Variants in PNMA5 observed in about 807,000 individuals in gnomAD.
PNMA5 encodes the protein PNMA family member 5.
For missense variants in PNMA5, 334 were observed against 356.6 expected (o/e 0.94, Z 0.51); for synonymous variants, 138 against 137.9 (o/e 1.00, Z 0.00).
At chrX:152,993,846 G>A (rs1259805796) in intron 1 of PNMA5, among the ~76,000 whole-genome samples, 187 bp downstream of exon 1, 2 of 112,891 alleles carry the variant, frequency 1.8e-5, no homozygotes, top group African/African-American at 6.4e-5. Context: ...CGCCCGGCCA[G>A]GTCTCCCTGA....
chrX:152,993,241 G>A (rs1302854880), intron 1 of PNMA5, among the ~76,000 whole-genome samples: 1 of 100,497 alleles, frequency 1.0e-5, no homozygotes, highest in African/African-American at 3.8e-5. Flanking sequence ...AGTCTAACTC[G>A]TGCCTCAAGC....
chrX:152,990,980 G>A lies in PNMA5; in HGVS notation c.619C>T (p.Pro207Ser). 8.4e-7 allele frequency: 1 copy of A among 1,196,362 alleles called. No individual in the cohort carries two copies. The highest frequency in any genetic ancestry group is 1.1e-6 in the Non-Finnish European group (1 of 889,349). The stretch of plus-strand genomic sequence containing the variant: ...AGCACCCGCATGATTGACAGAGCAG[G>A]CCCACGTAAGCTCTCCAGCAAACGC... ...RRRLLESLRG[P>S]ALSIMRVLQA... is the part of the protein sequence containing the mutation. The change falls in exon 4 of 4, where the codon CCT becomes TCT. Residue 207 changes from proline (P) to serine (S), a missense_variant. Transcript: ENST00000535214.
In PNMA5 at chrX:152,991,635, C is replaced by A. The variant is rs782353282; in HGVS notation, c.-37G>T. ...TCTATGGACTGATCTAATACTAGGG[C>A]AGCAATCAGCTCAGTTTGACAGCAC... On this transcript the variant is annotated 5_prime_UTR_variant, in exon 4 of 4. Transcript: ENST00000535214. 3.0e-5 allele frequency: 33 copies of A among 1,107,437 alleles called. No individual in the cohort carries two copies. The East Asian group carries it at 9.8e-4, about 33-fold the overall frequency. The allele number at this position is 1,107,437 out of a possible 1,213,427, so 91.3% of individuals were successfully genotyped here. A position where few individuals can be genotyped will look rare whatever the true frequency, so the allele number is the denominator to read the frequency against.
Position 152,991,546 on chromosome X carries a change from C to T in PNMA5, c.53G>A (p.Arg18Lys), listed in dbSNP as rs782649229. The T allele has an allele frequency of 1.9e-5, 23 of 1,185,576 alleles. No homozygotes were observed. In the East Asian group the frequency reaches 6.8e-4, roughly 35 times the overall value. ...GATGCCTACAATCAGCAGGGCCTTT[C>T]TGGGGTCCATGTCCATCCCCTTGCA... ...DWCKGMDMDP[R>K]KALLIVGIPM... Residue 18 changes from arginine to lysine, a missense_variant, in exon 4 of 4, where the codon AGA becomes AAA. By Grantham distance (26) the Arg-to-Lys change is conservative (BLOSUM62 2). Coordinates refer to ENST00000535214, the MANE Select transcript of PNMA5 (RefSeq NM_001184924.2).
At position 152,990,473 on chromosome X, in the gene PNMA5, C is replaced by T. The variant is rs782651248; in HGVS notation, c.1126G>A (p.Asp376Asn). The T allele has an allele frequency of 2.2e-5, 26 of 1,171,528 alleles. No individual in the cohort carries two copies. The highest frequency in any genetic ancestry group is 1.3e-4 in the Admixed American group (5 of 37,948). Residue 376 changes from aspartate to asparagine, a missense_variant, in exon 4 of 4, where the codon GAC becomes AAC. Asp to Asn is a conservative substitution (Grantham distance 23). Coordinates refer to ENST00000535214, the MANE Select transcript of PNMA5 (RefSeq NM_001184924.2). ...CCCTGTATGGTCTGGGGGCTGCTGT[C>T]GCTAAAAGACCTTGCCTGCACGGTG... ...QATVQARSFS[D>N]SSPQTIQGGL...
In PNMA5 at chrX:152,991,940, C is replaced by G. The variant is rs185556809; in HGVS notation, c.-162G>C. On this transcript the variant is annotated 5_prime_UTR_variant, in exon 3 of 4. Transcript: ENST00000535214. ...CTTCCTCCTGCTGTGGGTTCTTCCT[C>G]AAAGTCCAGAGGACTCTGCTGTGTG... The G allele has an allele frequency of 1.3e-3, 255 of 192,046 alleles. 3 individuals carry two copies. The highest frequency in any genetic ancestry group is 7.0e-3 in the African/African-American group (236 of 33,611). 15.8% of individuals were successfully genotyped at this position (192,046 alleles called of 1,213,427 possible).
At position 152,988,967 on chromosome X, in the gene PNMA5, A is replaced by G. The variant is rs1409216742; in HGVS notation, c.*1285T>C. The G allele has an allele frequency of 7.8e-5, 8 of 102,558 alleles. No individual in the cohort carries two copies. Among genetic ancestry groups the G allele is most frequent in the Non-Finnish European group, 1.6e-4 (8 of 50,018 alleles). 8.5% of individuals were successfully genotyped at this position (102,558 alleles called of 1,213,427 possible). On this transcript the variant is annotated 3_prime_UTR_variant, in exon 4 of 4. Transcript: ENST00000535214. ...CCCTCAGTGTGGCCCCCCCCACCACATCCCTCCTTCCATAGGGCCCCAGGA... is the reference window on the plus strand; with the variant it reads ...CCCTCAGTGTGGCCCCCCCCACCACGTCCCTCCTTCCATAGGGCCCCAGGA...
chrX:152,991,703 G>T lies in PNMA5; in HGVS notation c.-105C>A, dbSNP rs2050909122. On this transcript the variant is annotated 5_prime_UTR_variant, in exon 4 of 4. Coordinates refer to ENST00000535214, the MANE Select transcript of PNMA5 (RefSeq NM_001184924.2). ...ACTGCCACGTAGGAAGGCAGAAGTG[G>T]TCCCAGGTTTCACACAGCCTGCAAA... 1 of 1,044,058 alleles carries T rather than the reference G, an allele frequency of 9.6e-7. No homozygotes were observed. Among genetic ancestry groups the T allele is most frequent in the Admixed American group, 3.6e-5 (1 of 28,133 alleles). The allele number at this position is 1,044,058 out of a possible 1,213,427, so 86.0% of individuals were successfully genotyped here. A position where few individuals can be genotyped will look rare whatever the true frequency, so the allele number is the denominator to read the frequency against.
At position 152,989,900 on chromosome X, in the gene PNMA5, G is replaced by A; in HGVS notation, c.*352C>T. The A allele has an allele frequency of 5.5e-6, 1 of 182,002 alleles. No individual in the cohort carries two copies. Among genetic ancestry groups the A allele is most frequent in the Admixed American group, 7.8e-5 (1 of 12,825 alleles). The allele number at this position is 182,002 out of a possible 1,213,427, so 15.0% of individuals were successfully genotyped here. On this transcript the variant is annotated 3_prime_UTR_variant, in exon 4 of 4. Transcript: ENST00000535214. ...CTCAAAGTCCACAGGGTAGATATTT[G>A]GGGGTGTCCAGAGGACCAGGCCAGA... is the stretch of plus-strand genomic sequence containing the variant.
At position 152,991,686 on chromosome X, in the gene PNMA5, G is replaced by A. The variant is rs782104120; in HGVS notation, c.-88C>T. 1.6e-3 allele frequency: 1,756 copies of A among 1,073,809 alleles called. No homozygotes were observed. The highest frequency in any genetic ancestry group is 2.1e-3 in the Middle Eastern group (8 of 3,827). The allele number at this position is 1,073,809 out of a possible 1,213,427, so 88.5% of individuals were successfully genotyped here. A position where few individuals can be genotyped will look rare whatever the true frequency, so the allele number is the denominator to read the frequency against. ...TCAAATAACTCTGAGCCACTGCCAC[G>A]TAGGAAGGCAGAAGTGGTCCCAGGT... is the stretch of plus-strand genomic sequence containing the variant. On this transcript the variant is annotated 5_prime_UTR_variant, in exon 4 of 4. In the 5' UTR this introduces an upstream ATG that the reference lacks. Coordinates refer to ENST00000535214, the MANE Select transcript of PNMA5 (RefSeq NM_001184924.2).
In PNMA5 at chrX:152,994,019, G is replaced by A. The variant is rs1603342077; in HGVS notation, c.-330+14C>T. ...ATCTGGGTTGCTGTCCGAGCCCGGG[G>A]TCCAGCTCCGTACCTGCCGGAGGTG... On this transcript the variant is annotated intron_variant, in intron 1 of 3. Transcript: ENST00000535214. The A allele has an allele frequency of 8.8e-6, 1 of 113,359 alleles. No individual in the cohort carries two copies. The highest frequency in any genetic ancestry group is 1.9e-5 in the Non-Finnish European group (1 of 53,421). 9.3% of individuals were successfully genotyped at this position (113,359 alleles called of 1,213,427 possible).
chrX:152,989,876 T>G lies in PNMA5; in HGVS notation c.*376A>C, dbSNP rs1603341391. 6.7e-6 allele frequency: 1 copy of G among 148,550 alleles called. No individual in the cohort carries two copies. The highest frequency in any genetic ancestry group is 1.4e-5 in the Non-Finnish European group (1 of 73,992). The allele number at this position is 148,550 out of a possible 1,213,427, so 12.2% of individuals were successfully genotyped here. ...CTGGGTGCCAGTGGGCATGCTCAGC[T>G]CAAAGTCCACAGGGTAGATATTTGG... On this transcript the variant is annotated 3_prime_UTR_variant, in exon 4 of 4. Transcript: ENST00000535214.
Position 152,990,483 on chromosome X carries a change from C to A in PNMA5, c.1116G>T (p.Arg372Ser). ...VSAPQATVQA[R>S]SFSDSSPQTI... ...TCTGGGGGCTGCTGTCGCTAAAAGA[C>A]CTTGCCTGCACGGTGGCCTGAGGTG... is the stretch of plus-strand genomic sequence containing the variant. Residue 372 changes from arginine to serine, a missense_variant, in exon 4 of 4, where the codon AGG becomes AGT. By Grantham distance (110) the Arg-to-Ser change is moderately radical. Coordinates refer to ENST00000535214, the MANE Select transcript of PNMA5 (RefSeq NM_001184924.2). 5 of 1,182,026 alleles carry A rather than the reference C, an allele frequency of 4.2e-6. No homozygotes were observed. The highest frequency in any genetic ancestry group is 5.7e-6 in the Non-Finnish European group (5 of 882,969).
chrX:152,992,080 G>A (rs5969932), intron 2 of PNMA5, 103 bp from the exon 3 acceptor site: 6,048 of 114,793 alleles, frequency 0.053, 378 homozygotes, highest in African/African-American at 0.19. Context: ...CTGCTCACTC[G>A]GGGCTATGTG....
chrX:152,994,016 G>A lies in PNMA5; in HGVS notation c.-330+17C>T, dbSNP rs782449398. 3 of 113,399 alleles carry A rather than the reference G, an allele frequency of 2.6e-5. No individual in the cohort carries two copies. The highest frequency in any genetic ancestry group is 3.6e-4 in the South Asian group (1 of 2,807). 9.3% of individuals were successfully genotyped at this position (113,399 alleles called of 1,213,427 possible). A position where few individuals can be genotyped will look rare whatever the true frequency, so the allele number is the denominator to read the frequency against. ...GTAATCTGGGTTGCTGTCCGAGCCC[G>A]GGGTCCAGCTCCGTACCTGCCGGAG... is the stretch of plus-strand genomic sequence containing the variant. On this transcript the variant is annotated intron_variant, in intron 1 of 3. Transcript: ENST00000535214.
Position 152,990,825 on chromosome X carries a change from T to C in PNMA5, c.774A>G (p.Lys258=), listed in dbSNP as rs782725487. The change falls in exon 4 of 4, where the codon AAA becomes AAG. Residue 258 remains lysine, a synonymous_variant. Coordinates refer to ENST00000535214, the MANE Select transcript of PNMA5 (RefSeq NM_001184924.2). Reference sequence around the variant, plus strand: ...CTAAGCGCAGCAGGAAAGTGGAGACTTTCTCTCCAATCTTCGGAGAGGTCT... The same window carrying C: ...CTAAGCGCAGCAGGAAAGTGGAGACCTTCTCTCCAATCTTCGGAGAGGTCT... ...FLQTSPKIGE[K]VSTFLLRLEP... The C allele has an allele frequency of 5.0e-6, 6 of 1,199,106 alleles. No individual in the cohort carries two copies. The South Asian group carries it at 7.3e-5, about 15-fold the overall frequency.
At position 152,990,438 on chromosome X, in the gene PNMA5, G is replaced by A. The variant is rs926584810; in HGVS notation, c.1161C>T (p.Pro387=). 15 of 1,163,780 alleles carry A rather than the reference G, an allele frequency of 1.3e-5. No homozygotes were observed. Among genetic ancestry groups the A allele is most frequent in the Non-Finnish European group, 1.7e-5 (15 of 875,730 alleles). The change falls in exon 4 of 4, where the codon CCC becomes CCT. Residue 387 remains proline (P), a synonymous_variant. Coordinates refer to ENST00000535214, the MANE Select transcript of PNMA5 (RefSeq NM_001184924.2). ...ACAGCCGCCTGCGTTTCACTAATGG[G>A]GGTAAGCCTCCCTGTATGGTCTGGG... ...SSPQTIQGGL[P]PLVKRRRLLG... is the part of the protein sequence containing the mutation.
chrX:152,990,328 G>A lies in PNMA5; in HGVS notation c.1271C>T (p.Pro424Leu). 8.7e-7 allele frequency: 1 copy of A among 1,156,068 alleles called. No individual in the cohort carries two copies. Among genetic ancestry groups the A allele is most frequent in the Non-Finnish European group, 1.1e-6 (1 of 873,564 alleles). Residue 424 changes from proline (P) to leucine (L), a missense_variant, in exon 4 of 4, where the codon CCA becomes CTA. Physicochemically the swap from Pro to Leu is moderately conservative, Grantham distance 98 (BLOSUM62 -3). Coordinates refer to ENST00000535214, the MANE Select transcript of PNMA5 (RefSeq NM_001184924.2). ...AENQTPGREG[P>L]QAAGEELGNE... ...TCCCAACTCCTCTCCTGCAGCCTGT[G>A]GCCCCTCCCTGCCTGGAGTCTGGTT...
chrX:152,992,413 G>T (rs1569521358), intron 2 of PNMA5, among the ~76,000 whole-genome samples: 1 of 112,325 alleles, frequency 8.9e-6, no homozygotes, highest in East Asian at 2.8e-4. Context: ...AAGGCGAGAT[G>T]GGCATGAGGA....
Sources: gnomAD v4.1 joint callset for allele counts (sites outside exome capture counted in the v4.1 genomes callset) on GRCh38, gnomAD v4.1.1 for gene constraint, MANE v1.5 for transcripts, NCBI Gene and HGNC (gene_info 2026-07-23, HGNC 2026-07-21) for gene names.